GPR162: variants seen among roughly 807,000 people sequenced by gnomAD.
GPR162 encodes the protein G protein-coupled receptor 162.
In GPR162, 26 loss-of-function variants were observed where a neutral mutation model predicts 44.9. That is an observed-to-expected ratio of 0.58 (90% CI 0.42 to 0.80). The LOEUF is 0.80. Ranked by LOEUF, GPR162 falls within the 30% of genes least tolerant of loss-of-function variation. The probability of loss-of-function intolerance (pLI) is 0.00; values close to 1 mark genes in which losing one functional copy is unlikely to be tolerated. For missense variants in GPR162, 704 were observed against 802.3 expected, an observed-to-expected ratio of 0.88 and a Z score of 1.48; for synonymous variants, 363 against 335.2, an observed-to-expected ratio of 1.08 and a Z score of -0.91.
At position 6,824,591 on chromosome 12, in the gene GPR162, G is replaced by C. The variant is rs142801099; in HGVS notation, c.693G>C (p.Gly231=). 90 of 1,609,406 alleles carry C rather than the reference G, an allele frequency of 5.6e-5. No individual in the cohort carries two copies. Among genetic ancestry groups the C allele is most frequent in the Non-Finnish European group, 6.8e-5 (80 of 1,177,500 alleles). The change falls in exon 2 of 5, where the codon GGG becomes GGC. Residue 231 remains glycine, a synonymous_variant. Transcript: ENST00000311268. ...GGGGGACCAAAGCGGGTGGGCCAGG[G>C]GCCTTGGGTACCCGGCCAGCTTTTG... ...GGGGTKAGGP[G]ALGTRPAFEV... is the part of the protein sequence containing the mutation.
rs782580040 is a variant in GPR162 at position 6,826,317 on chromosome 12, G to C, written c.1179G>C (p.Met393Ile). 6.8e-6 allele frequency: 11 copies of C among 1,613,538 alleles called. No homozygotes were observed. Among genetic ancestry groups the C allele is most frequent in the Non-Finnish European group, 9.3e-6 (11 of 1,179,888 alleles). Residue 393 changes from methionine (M) to isoleucine (I), a missense_variant, in exon 4 of 5, where the codon ATG (methionine) becomes ATC (isoleucine). By Grantham distance (10) the Met-to-Ile change is conservative. Coordinates refer to ENST00000311268, the MANE Select transcript of GPR162 (RefSeq NM_019858.2). The part of the protein sequence containing the change: ...AQVKLLPGRH[M>I]LFPPLERVHY... Reference sequence around the variant, plus strand: ...TGAAGCTGCTGCCTGGAAGGCACATGCTCTTCCCTCCTCTTGAGAGAGTCC... The same window carrying C: ...TGAAGCTGCTGCCTGGAAGGCACATCCTCTTCCCTCCTCTTGAGAGAGTCC...
Position 6,827,267 on chromosome 12 carries a change from G to T in GPR162, c.*63G>T. 1.5e-6 allele frequency: 2 copies of T among 1,348,334 alleles called. No homozygotes were observed. Among genetic ancestry groups the T allele is most frequent in the South Asian group, 2.9e-5 (2 of 70,036 alleles). 83.5% of individuals were successfully genotyped at this position (1,348,334 alleles called of 1,614,324 possible). On this transcript the variant is annotated 3_prime_UTR_variant, in exon 5 of 5. Coordinates refer to ENST00000311268, the MANE Select transcript of GPR162 (RefSeq NM_019858.2). The stretch of plus-strand genomic sequence containing the variant: ...GAGTGAGTAACACCTCATTCTGGCC[G>T]AGAGTAGGGCAGCTGCCTCCAGACT...
chr12:6,826,427 C>T lies in GPR162; in HGVS notation c.1215+74C>T. 8.6e-6 allele frequency: 12 copies of T among 1,390,716 alleles called. No homozygotes were observed. In the South Asian group the frequency reaches 1.5e-4, roughly 17 times the overall value. The allele number at this position is 1,390,716 out of a possible 1,614,324, so 86.1% of individuals were successfully genotyped here. ...TTTCTCCAGTGTCTGTTAGGCACCC[C>T]AATCCCCTCTTCCCTAGCCCTGGCT... On this transcript the variant is annotated intron_variant, in intron 4 of 4. Coordinates refer to ENST00000311268, the MANE Select transcript of GPR162 (RefSeq NM_019858.2).
rs782296316 is a variant in GPR162 at position 6,826,275 on chromosome 12, C to A, written c.1137C>A (p.Ser379Arg). The change falls in exon 4 of 5, where the codon AGC (serine) becomes AGA (arginine). Residue 379 changes from serine (S) to arginine (R), a missense_variant. Ser to Arg is a moderately radical substitution (Grantham distance 110). Transcript: ENST00000311268. ...CTAACGGAGCCACAGGACCAGGGAG[C>A]CGGGACCCCGCCCAGGTGAAGCTGC... ...FDANGATGPG[S>R]RDPAQVKLLP... The A allele has an allele frequency of 6.2e-7, 1 of 1,613,884 alleles. No homozygotes were observed. The highest frequency in any genetic ancestry group is 2.2e-5 in the East Asian group (1 of 44,884).
At chr12:6,826,106 A>G (rs1274161049) in intron 3 of GPR162, 90 bp from the exon 4 acceptor site, 15 of 967,156 alleles carry the variant, frequency 1.6e-5, no homozygotes, top group Non-Finnish European at 2.4e-5. Flanking sequence ...ATGGGAACTA[A>G]AGGGGTCTCT....
At chr12:6,826,062 C>A (rs1396629040) in intron 3 of GPR162, 134 bp from the exon 4 acceptor site, 2 of 680,020 alleles carry the variant, frequency 2.9e-6, no homozygotes, top group Non-Finnish European at 5.1e-6. Context: ...CAAATGCTAG[C>A]CACTCTCACT....
rs1348351754 is a variant in GPR162 at position 6,822,443 on chromosome 12, T to C, written c.-432+543T>C. ...CTGCTTCCATGGGAAACAGACCCTT[T>C]CACTGCTGTGCCCCATTTTTACCCC... On this transcript the variant is annotated intron_variant, in intron 1 of 4. Transcript: ENST00000311268. This position sits in a 1 kb window ranked among gnomAD's most constrained non-coding sequence, Gnocchi z 4.2. Among the ~76,000 whole-genome samples, 4 of 152,146 alleles carry C rather than the reference T, an allele frequency of 2.6e-5. No individual in the cohort carries two copies. The highest frequency in any genetic ancestry group is 4.1e-4 in the South Asian group (2 of 4,830).
chr12:6,826,595 T>C lies in GPR162; in HGVS notation c.1216-58T>C, dbSNP rs1189471515. The C allele has an allele frequency of 1.4e-5, 21 of 1,450,924 alleles. No individual in the cohort carries two copies. The African/African-American group carries it at 2.3e-4, about 16-fold the overall frequency. 89.9% of individuals were successfully genotyped at this position (1,450,924 alleles called of 1,614,324 possible). ...CCATCTTCCGGAGTCCCCACTTGGT[T>C]CCTGCCTCTGCCTCTGTCCCTGCAG... On this transcript the variant is annotated intron_variant, in intron 4 of 4. Coordinates refer to ENST00000311268, the MANE Select transcript of GPR162 (RefSeq NM_019858.2).
intron 4 of GPR162, 137 bp from the exon 5 acceptor site, chr12:6,826,516 G>A (rs1555120104): frequency 8.5e-6 from 9 of 1,064,608 alleles, no homozygotes; most frequent in East Asian, 2.4e-5. Context: ...TTCAGACCTC[G>A]TGGGGCCAGG....
chr12:6,823,657 C>G lies in GPR162; in HGVS notation c.-242C>G. 9.0e-7 allele frequency: 1 copy of G among 1,107,366 alleles called. No homozygotes were observed. The highest frequency in any genetic ancestry group is 1.3e-6 in the Non-Finnish European group (1 of 755,816). 68.6% of individuals were successfully genotyped at this position (1,107,366 alleles called of 1,614,324 possible). A position where few individuals can be genotyped will look rare whatever the true frequency, so the allele number is the denominator to read the frequency against. ...AATTGCAGGGATGCTTAAGGAAGGC[C>G]CCGCCCAGTATGAAAGCTGAGGATT... On this transcript the variant is annotated 5_prime_UTR_variant, in exon 2 of 5. Transcript: ENST00000311268.
In GPR162 at chr12:6,826,784, C is replaced by T. The variant is rs782562218; in HGVS notation, c.1347C>T (p.Leu449=). ...IRVLPAQSRA[L]GGPPEYLGQR... is the part of the protein sequence containing the mutation. ...TCCTCCCAGCCCAGAGCCGGGCCCT[C>T]GGGGGTCCTCCTGAGTACCTGGGAC... The change falls in exon 5 of 5, where the codon CTC becomes CTT. Residue 449 remains leucine, a synonymous_variant. Transcript: ENST00000311268. The T allele has an allele frequency of 3.6e-5, 58 of 1,609,118 alleles. No homozygotes were observed. The highest frequency in any genetic ancestry group is 1.2e-4 in the African/African-American group (9 of 74,802).
rs782679545 is a variant in GPR162, at chr12:6,827,197, C to T, written c.1760C>T (p.Thr587Ile). Residue 587 changes from threonine (T) to isoleucine (I), a missense_variant, in exon 5 of 5, where the codon ACC (threonine) becomes ATC (isoleucine). Around this residue, in one of 6 missense-constraint regions of GPR162, gnomAD observed 404 missense variants for 314.1 expected, o/e 1.29. Coordinates refer to ENST00000311268, the MANE Select transcript of GPR162 (RefSeq NM_019858.2). Reference sequence around the variant, plus strand: ...GGCAACCCCATCTTTCCCCAGCTGACCCTGTGAGCCCAAGCAGGCCTGCTG... The same window carrying T: ...GGCAACCCCATCTTTCCCCAGCTGATCCTGTGAGCCCAAGCAGGCCTGCTG... The part of the protein sequence containing the change: ...GPGNPIFPQL[T>I]L The T allele has an allele frequency of 5.6e-6, 9 of 1,603,668 alleles. No homozygotes were observed. The highest frequency in any genetic ancestry group is 1.7e-5 in the Admixed American group (1 of 58,540).
intron 2 of GPR162, 182 bp from the exon 3 acceptor site, chr12:6,825,302 C>T (rs1943339823): frequency 1.7e-6 from 1 of 601,502 alleles, no homozygotes; most frequent in Admixed American, 2.9e-5. Flanking sequence ...CTCTCCCCGA[C>T]CTTCCTCTGA....
rs991253711 is a variant in GPR162 at position 6,822,413 on chromosome 12, C to T, written c.-432+513C>T. On this transcript the variant is annotated intron_variant, in intron 1 of 4. Coordinates refer to ENST00000311268, the MANE Select transcript of GPR162 (RefSeq NM_019858.2). This position sits in a 1 kb window ranked among gnomAD's most constrained non-coding sequence, Gnocchi z 4.2. The stretch of plus-strand genomic sequence containing the variant: ...AGGACCTCTTGGGGAAAGCAAGGGT[C>T]TGAGCTGCTTCCATGGGAAACAGAC... Among the ~76,000 whole-genome samples the T allele has an allele frequency of 7.9e-5, 12 of 152,158 alleles. No homozygotes were observed. Among genetic ancestry groups the T allele is most frequent in the Non-Finnish European group, 8.8e-5 (6 of 68,022 alleles).
Position 6,826,736 on chromosome 12 carries a change from G to A in GPR162, c.1299G>A (p.Trp433Ter). The change falls in exon 5 of 5, where the codon TGG becomes TGA. Residue 433 changes from tryptophan (W) to a stop codon, truncating the protein, a stop_gained. Transcript: ENST00000311268. LOFTEE classifies it high-confidence loss of function. The part of the protein sequence containing the change: ...PREPGSFLHK[W>*]SSSDDIRVLP... Reference sequence around the variant, plus strand: ...AACCAGGCTCCTTCCTGCACAAGTGGTCATCCTCTGATGACATCCGGGTCC... The same window carrying A: ...AACCAGGCTCCTTCCTGCACAAGTGATCATCCTCTGATGACATCCGGGTCC... 1 of 1,589,358 alleles carries A rather than the reference G, an allele frequency of 6.3e-7. No homozygotes were observed.
Position 6,826,953 on chromosome 12 carries a change from A to G in GPR162, c.1516A>G (p.Thr506Ala). ...RGPGFFREEI[T>A]TFIDETPLPS... is the part of the protein sequence containing the mutation. ...TCCTGGCTTCTTCCGGGAGGAGATC[A>G]CCACCTTCATCGATGAGACACCTCT... The change falls in exon 5 of 5, where the codon ACC becomes GCC. Residue 506 changes from threonine to alanine, a missense_variant. Physicochemically the swap from Thr to Ala is moderately conservative, Grantham distance 58. Around this residue, in one of 6 missense-constraint regions of GPR162, gnomAD observed 404 missense variants for 314.1 expected, o/e 1.29. Transcript: ENST00000311268. 1 of 1,613,256 alleles carries G rather than the reference A, an allele frequency of 6.2e-7. No individual in the cohort carries two copies. Among genetic ancestry groups the G allele is most frequent in the Admixed American group, 1.7e-5 (1 of 60,020 alleles).
Position 6,825,209 on chromosome 12 carries a change from G to A in GPR162, c.868-275G>A. On this transcript the variant is annotated intron_variant, in intron 2 of 4. Coordinates refer to ENST00000311268, the MANE Select transcript of GPR162 (RefSeq NM_019858.2). Reference sequence around the variant, plus strand: ...CACCCCACCACCCCATCTAGTCACTGTTCCTGGGTTCCTGTCTGTCTCTAC... The same window carrying A: ...CACCCCACCACCCCATCTAGTCACTATTCCTGGGTTCCTGTCTGTCTCTAC... 5.4e-6 allele frequency: 3 copies of A among 559,244 alleles called. No individual in the cohort carries two copies. In the South Asian group the frequency reaches 6.1e-5, roughly 11 times the overall value. The allele number at this position is 559,244 out of a possible 1,614,324, so 34.6% of individuals were successfully genotyped here. A position where few individuals can be genotyped will look rare whatever the true frequency, so the allele number is the denominator to read the frequency against.
rs1943294144 is a variant in GPR162, at chr12:6,822,370, C to T, written c.-432+470C>T. Among the ~76,000 whole-genome samples the T allele has an allele frequency of 6.6e-6, 1 of 152,144 alleles. No individual in the cohort carries two copies. The highest frequency in any genetic ancestry group is 2.4e-5 in the African/African-American group (1 of 41,420). ...GGTGTACTGGGCTCCGGAGGGAAGCCAAGGGTGGGGGTGGACCAGGACCTC... is the reference window on the plus strand; with the variant it reads ...GGTGTACTGGGCTCCGGAGGGAAGCTAAGGGTGGGGGTGGACCAGGACCTC... On this transcript the variant is annotated intron_variant, in intron 1 of 4. Transcript: ENST00000311268. The surrounding 1 kb of genome is among the most constrained non-coding windows in gnomAD (Gnocchi z 4.2).
At position 6,823,592 on chromosome 12, in the gene GPR162, G is replaced by T; in HGVS notation, c.-307G>T. ...CATGGGGACCAGAACCCCCCAGCCAGCCTCATAGTTGGGAAAGTAGCCAGC... is the reference window on the plus strand; with the variant it reads ...CATGGGGACCAGAACCCCCCAGCCATCCTCATAGTTGGGAAAGTAGCCAGC... On this transcript the variant is annotated 5_prime_UTR_variant, in exon 2 of 5. Coordinates refer to ENST00000311268, the MANE Select transcript of GPR162 (RefSeq NM_019858.2). 1.8e-6 allele frequency: 1 copy of T among 569,676 alleles called. No individual in the cohort carries two copies. Among genetic ancestry groups the T allele is most frequent in the Non-Finnish European group, 3.1e-6 (1 of 324,932 alleles). The allele number at this position is 569,676 out of a possible 1,614,324, so 35.3% of individuals were successfully genotyped here.
Sources: gnomAD v4.1 joint callset for allele counts (sites outside exome capture counted in the v4.1 genomes callset) on GRCh38, gnomAD v4.1.1 for gene constraint, gnomAD v4.1.1 regional missense constraint, Gnocchi (gnomAD v3.1) non-coding constraint, MANE v1.5 for transcripts, NCBI Gene and HGNC (gene_info 2026-07-23, HGNC 2026-07-21) for gene names.